The following AZIN2 variants were observed in gnomAD, a reference collection of about 807,000 sequenced individuals.
The protein encoded by AZIN2 is ODC antizyme inhibitor-2.
A neutral mutation model predicts 47.8 loss-of-function variants in AZIN2; 28 were observed. The observed-to-expected ratio is 0.59, with a 90% CI of 0.43 to 0.80. The LOEUF (loss-of-function observed/expected upper bound fraction) is 0.80. Ranked by LOEUF, AZIN2 falls within the 30% of genes least tolerant of loss-of-function variation. AZIN2 has a pLI of 0.00. For synonymous variants in AZIN2, 221 were observed against 239.4 expected (o/e 0.92, Z 0.71); for missense variants, 535 against 582.5 (o/e 0.92, Z 0.84).
chr1:33,165,942 G>A, the AZIN2 span: 1 of 162,544 alleles, frequency 6.2e-6, no homozygotes, highest in East Asian at 1.7e-4. The surrounding 1 kb of genome is among the most constrained non-coding windows in gnomAD (Gnocchi z 4.0). Flanking sequence ...AGCTTGTTAG[G>A]AACCTGGACG....
intron 9 of AZIN2, 190 bp from the exon 10 acceptor site, chr1:33,097,877 T>A (rs1040735133): frequency 1.7e-6 from 1 of 586,590 alleles, no homozygotes; most frequent in Non-Finnish European, 3.1e-6. Context: ...CAGGGGTGAG[T>A]GTTCCTAACA....
At chr1:33,147,599 C>T in the AZIN2 span, 1 of 1,614,166 alleles carries the variant, frequency 6.2e-7, no homozygotes. This position sits in a 1 kb window ranked among gnomAD's most constrained non-coding sequence, Gnocchi z 8.1. Flanking sequence ...GACACCTCCA[C>T]ATCGAAGCGC....
chr1:33,133,219 C>T, the AZIN2 span, among the ~76,000 whole-genome samples: 3 of 152,052 alleles, frequency 2.0e-5, no homozygotes, highest in African/African-American at 4.8e-5. Flanking sequence ...ACAAGGGCAA[C>T]GGAGGCTGTG....
chr1:33,092,243 G>A (rs1344291375), intron 6 of AZIN2, 21 bp downstream of exon 6: 1 of 1,609,138 alleles, frequency 6.2e-7, no homozygotes, highest in East Asian at 2.2e-5. Flanking sequence ...AACCACTCAT[G>A]GGGAGGCTGG....
intron 8 of AZIN2, among the ~76,000 whole-genome samples, chr1:33,095,536 A>C (rs1643059859): frequency 6.6e-6 from 1 of 152,232 alleles, no homozygotes; most frequent in African/African-American, 2.4e-5. Flanking sequence ...AAAGTTAACA[A>C]TAATTAGATT....
chr1:33,114,174 T>C (rs1439700766), intron 10 of AZIN2, among the ~76,000 whole-genome samples: 2 of 151,672 alleles, frequency 1.3e-5, no homozygotes, highest in African/African-American at 2.4e-5. Context: ...CAGGCTGGAG[T>C]GCAGTGGTGC....
At chr1:33,131,392 G>C in the AZIN2 span, among the ~76,000 whole-genome samples, 1 of 152,154 alleles carries the variant, frequency 6.6e-6, no homozygotes, top group Non-Finnish European at 1.5e-5. Context: ...CTCCTGCAGG[G>C]CTCTGAGGGT....
chr1:33,106,425 C>T (rs905047278), intron 10 of AZIN2, among the ~76,000 whole-genome samples: 1 of 152,202 alleles, frequency 6.6e-6, no homozygotes, highest in East Asian at 1.9e-4. Context: ...TTTACAAAAC[C>T]ACAATTACCT....
chr1:33,160,700 C>T, the AZIN2 span, among the ~76,000 whole-genome samples: 8 of 152,220 alleles, frequency 5.3e-5, no homozygotes, highest in East Asian at 5.8e-4. Flanking sequence ...CCATCGTGCC[C>T]GGCTGAAGTC....
At chr1:33,147,445 T>C in the AZIN2 span, 4 of 1,613,886 alleles carry the variant, frequency 2.5e-6, no homozygotes, top group African/African-American at 2.7e-5. The surrounding 1 kb of genome is among the most constrained non-coding windows in gnomAD (Gnocchi z 8.1). Flanking sequence ...CACGATGCAG[T>C]AGAAGCCGCG....
the AZIN2 span, chr1:33,158,278 C>T: frequency 7.4e-6 from 12 of 1,613,934 alleles, no homozygotes; most frequent in Non-Finnish European, 1.0e-5. Flanking sequence ...GGAACAGGGA[C>T]TTCCAGATGG....
In AZIN2 at chr1:33,083,969, T is replaced by C; in HGVS notation, c.121T>C (p.Phe41Leu). ...SQATTDEVAAFFVADLGAIVR... is the reference protein window; with the variant it reads ...SQATTDEVAALFVADLGAIVR... ...TGTCATTCAGGACGAGGTAGCTGCC[T>C]TCTTCGTGGCTGACCTGGGTGCCAT... The change falls in exon 5 of 12, where the codon TTC becomes CTC. Residue 41 changes from phenylalanine (F) to leucine (L), a missense_variant. Physicochemically the swap from Phe to Leu is conservative, Grantham distance 22 (BLOSUM62 0). Around this residue, in one of 3 missense-constraint regions of AZIN2, gnomAD observed 409 missense variants for 429.0 expected, o/e 0.95. Coordinates refer to ENST00000294517, the MANE Select transcript of AZIN2 (RefSeq NM_052998.4). The C allele has an allele frequency of 1.9e-6, 3 of 1,614,186 alleles. No individual in the cohort carries two copies. Among genetic ancestry groups the C allele is most frequent in the Non-Finnish European group, 2.5e-6 (3 of 1,180,040 alleles).
chr1:33,136,159 CTT>C, the AZIN2 span, among the ~76,000 whole-genome samples: 7 of 147,508 alleles, frequency 4.7e-5, no homozygotes, highest in Admixed American at 2.0e-4. Context: ...TCCTTCCTTC[CTT>C]CCTTCCTTCC....
intron 10 of AZIN2, among the ~76,000 whole-genome samples, chr1:33,112,291 T>C (rs888446880): frequency 3.9e-5 from 6 of 152,184 alleles, no homozygotes; most frequent in African/African-American, 4.8e-5. Context: ...ACTCTTGGCA[T>C]GTGTGTTCGA....
At chr1:33,151,765 T>C in the AZIN2 span, among the ~76,000 whole-genome samples, 2 of 152,216 alleles carry the variant, frequency 1.3e-5, no homozygotes, top group Non-Finnish European at 1.5e-5. Flanking sequence ...GTCAAAGGCA[T>C]TCAGGAAGGA....
In AZIN2 at chr1:33,098,133, A is replaced by G. The variant is rs1488523782; in HGVS notation, c.983A>G (p.Asn328Ser). ...HLDEGVYGIF[N>S]SVLFDNICPT... ...GATGAGGGCGTGTATGGGATCTTCA[A>G]CTCAGTCCTGTTTGACAACATCTGC... Residue 328 changes from asparagine (N) to serine (S), a missense_variant, in exon 10 of 12, where the codon AAC (asparagine) becomes AGC (serine). This residue lies in a region of AZIN2 where 409 missense variants were observed against 429.0 expected (regional missense o/e 0.95). Transcript: ENST00000294517. 3.1e-6 allele frequency: 5 copies of G among 1,613,616 alleles called. No individual in the cohort carries two copies. The highest frequency in any genetic ancestry group is 1.6e-4 in the Middle Eastern group (1 of 6,082).
intron 5 of AZIN2, among the ~76,000 whole-genome samples, chr1:33,085,621 G>A (rs150865302): frequency 1.3e-5 from 2 of 152,188 alleles, no homozygotes; most frequent in Admixed American, 6.5e-5. Flanking sequence ...AGGATGACAG[G>A]GCTGGAGCGA....
the AZIN2 span, chr1:33,145,744 G>T: frequency 2.5e-6 from 1 of 405,414 alleles, no homozygotes; most frequent in Non-Finnish European, 5.1e-6. Context: ...CAGGGATAGA[G>T]CCAAGGGGCA....
chr1:33,102,374 C>A (rs1643766628), intron 10 of AZIN2, among the ~76,000 whole-genome samples: 1 of 152,148 alleles, frequency 6.6e-6, no homozygotes, highest in African/African-American at 2.4e-5. Flanking sequence ...TGGTCTGTAC[C>A]CACTGCCCCT....
Sources: gnomAD v4.1 joint callset for allele counts (sites outside exome capture counted in the v4.1 genomes callset) on GRCh38, gnomAD v4.1.1 for gene constraint, gnomAD v4.1.1 regional missense constraint, Gnocchi (gnomAD v3.1) non-coding constraint, MANE v1.5 for transcripts, NCBI Gene and HGNC (gene_info 2026-07-23, HGNC 2026-07-21) for gene names.